Variants in ANKFN1 observed in about 807,000 individuals in gnomAD.
ANKFN1 encodes ankyrin repeat and fibronectin type III domain containing 1.
In ANKFN1, 74 loss-of-function variants were observed where a neutral mutation model predicts 108.7. That is an observed-to-expected ratio of 0.68 (90% CI 0.56 to 0.83). The LOEUF (loss-of-function observed/expected upper bound fraction) is 0.83, where lower values mean the gene tolerates loss of function less well. Among genes scored for constraint, ANKFN1 ranks in the 40% least tolerant of loss-of-function variants. ANKFN1 has a pLI of 0.00. For synonymous variants in ANKFN1, 547 were observed against 516.2 expected (o/e 1.06, Z -0.81); for missense variants, 1,505 against 1,382.3 (o/e 1.09, Z -1.41).
At chr17:56,046,589 G>T (rs1904682175) in intron 4 of ANKFN1, among the ~76,000 whole-genome samples, 1 of 152,058 alleles carries the variant, frequency 6.6e-6, no homozygotes, top group South Asian at 2.1e-4. Flanking sequence ...GGGCTGCATG[G>T]CAGAAAGACA....
rs533765557 is a variant in ANKFN1, at chr17:56,148,341, T to C, written c.289-79576T>C. On this transcript the variant is annotated intron_variant, in intron 4 of 12. Transcript: ENST00000635860. ...ATTCTTTACACGAATGGGATGATTC[T>C]CCTAATTTTACAGGAAAGAGGCTAA... Among the ~76,000 whole-genome samples the C allele has an allele frequency of 1.5e-4, 23 of 152,320 alleles. No homozygotes were observed. In the East Asian group the frequency reaches 4.2e-3, roughly 28 times the overall value.
rs529958919 is a variant in ANKFN1 at position 56,156,076 on chromosome 17, CT to C, written c.-71+2563del. ...TCCATTTCCTCATCTCTCTCTCACTCTTTTTTTTTTTTTTTTTCCTTGAGAT... is the reference window on the plus strand; with the variant it reads ...TCCATTTCCTCATCTCTCTCTCACTCTTTTTTTTTTTTTTTTCCTTGAGAT... On this transcript the variant is annotated intron_variant, in intron 1 of 20. Transcript: ENST00000682825. 3.7e-3 allele frequency among the ~76,000 whole-genome samples: 510 copies of C among 136,430 alleles called. 1 individual carries two copies. The highest frequency in any genetic ancestry group is 7.9e-3 in the Middle Eastern group (2 of 254). The allele number at this position is 136,430 out of a possible 152,430, so 89.5% of individuals were successfully genotyped here. A position where few individuals can be genotyped will look rare whatever the true frequency, so the allele number is the denominator to read the frequency against.
chr17:56,272,990 A>G (rs1339092504), intron 3 of ANKFN1, among the ~76,000 whole-genome samples: 4 of 152,162 alleles, frequency 2.6e-5, no homozygotes, highest in East Asian at 1.9e-4. Context: ...CAACAGCCCA[A>G]ATATTTTTTC....
At chr17:56,175,937 G>A (rs1191946016) in intron 1 of ANKFN1, among the ~76,000 whole-genome samples, 1 of 136,714 alleles carries the variant, frequency 7.3e-6, no homozygotes, top group East Asian at 2.5e-4. Flanking sequence ...GGGGGTGGGG[G>A]AGTTGGGGGT....
intron 4 of ANKFN1, among the ~76,000 whole-genome samples, chr17:56,050,489 A>C (rs1244146200): frequency 3.7e-5 from 5 of 136,732 alleles, no homozygotes; most frequent in Admixed American, 7.6e-5. Flanking sequence ...CTGAATGGTA[A>C]TGCCTAGGTT....
In ANKFN1 at chr17:56,443,026, G is replaced by A. The variant is rs905133660; in HGVS notation, c.1099+93G>A. 1.0e-4 allele frequency: 130 copies of A among 1,238,694 alleles called. 1 individual carries two copies. In the East Asian group the frequency reaches 1.5e-3, roughly 14 times the overall value. The allele number at this position is 1,238,694 out of a possible 1,614,324, so 76.7% of individuals were successfully genotyped here. A position where few individuals can be genotyped will look rare whatever the true frequency, so the allele number is the denominator to read the frequency against. Reference sequence around the variant, plus strand: ...GCCATTGCCATTCCCTTCCCCCACTGCTTGCAACCCATAAGACCTTCTCAG... The same window carrying A: ...GCCATTGCCATTCCCTTCCCCCACTACTTGCAACCCATAAGACCTTCTCAG... On this transcript the variant is annotated intron_variant, in intron 10 of 20. Coordinates refer to ENST00000682825, the MANE Select transcript of ANKFN1 (RefSeq NM_001370326.1).
chr17:56,068,377 A>G (rs1481461753), intron 4 of ANKFN1, among the ~76,000 whole-genome samples: 15 of 152,192 alleles, frequency 9.9e-5, no homozygotes, highest in Admixed American at 9.8e-4. Context: ...TGGAAGAAGG[A>G]AGGAGTTGCT....
intron 8 of ANKFN1, among the ~76,000 whole-genome samples, chr17:56,378,659 G>A (rs1054146380): frequency 1.3e-5 from 2 of 152,186 alleles, no homozygotes; most frequent in African/African-American, 4.8e-5. Context: ...GGAAAGAGAG[G>A]TGGGGAGGAG....
intron 1 of ANKFN1, chr17:56,153,735 G>A (rs1226034515): frequency 9.1e-6 from 6 of 660,482 alleles, no homozygotes; most frequent in Non-Finnish European, 1.6e-5. Context: ...TGTAATGTGT[G>A]TCTTTGTCTT....
chr17:56,168,094 C>T (rs184117171), intron 1 of ANKFN1, among the ~76,000 whole-genome samples: 36 of 152,148 alleles, frequency 2.4e-4, no homozygotes, highest in African/African-American at 8.4e-4. Context: ...TGGCAAAACC[C>T]CATCTCTACT....
Position 56,353,946 on chromosome 17 carries a change from T to A in ANKFN1, c.501T>A (p.Pro167=). The A allele has an allele frequency of 6.2e-7, 1 of 1,613,980 alleles. No individual in the cohort carries two copies. The highest frequency in any genetic ancestry group is 8.5e-7 in the Non-Finnish European group (1 of 1,179,968). ...YTPEELDLNT[P]NSEGLTPLDI... ...CAGAAGAACTTGACCTCAACACACC[T>A]AACAGCGAGGGCTTGACACCCCTGG... The change falls in exon 6 of 21, where the codon CCT becomes CCA. Residue 167 remains proline, a synonymous_variant. Coordinates refer to ENST00000682825, the MANE Select transcript of ANKFN1 (RefSeq NM_001370326.1).
chr17:56,202,759 T>C (rs909868439), intron 1 of ANKFN1, among the ~76,000 whole-genome samples: 1 of 152,176 alleles, frequency 6.6e-6, no homozygotes, highest in Non-Finnish European at 1.5e-5. Context: ...GTAGATACCA[T>C]GAAGTGTCCA....
At chr17:56,346,033 A>G (rs1467141929) in intron 4 of ANKFN1, among the ~76,000 whole-genome samples, 1 of 152,070 alleles carries the variant, frequency 6.6e-6, no homozygotes, top group Non-Finnish European at 1.5e-5. Context: ...TTTCACATTT[A>G]AGTTTTTAAT....
intron 3 of ANKFN1, among the ~76,000 whole-genome samples, chr17:56,274,943 A>C (rs528408703): frequency 1.3e-5 from 2 of 152,310 alleles, no homozygotes; most frequent in African/African-American, 4.8e-5. Context: ...GCTAAGCTTC[A>C]GTTTCCTCAT....
chr17:56,149,759 A>G (rs958815197), upstream of ANKFN1, among the ~76,000 whole-genome samples: 9 of 152,224 alleles, frequency 5.9e-5, no homozygotes, highest in Non-Finnish European at 1.3e-4. Context: ...GTGCTGAGCC[A>G]CACATGTGTC....
chr17:56,355,266 G>A (rs902757112), intron 6 of ANKFN1, among the ~76,000 whole-genome samples: 1 of 152,112 alleles, frequency 6.6e-6, no homozygotes, highest in African/African-American at 2.4e-5. Context: ...CATAAATAGG[G>A]TTGGGCAAGA....
At chr17:56,508,878 G>A (rs2051655408) in intron 20 of ANKFN1, among the ~76,000 whole-genome samples, 1 of 152,140 alleles carries the variant, frequency 6.6e-6, no homozygotes, top group Non-Finnish European at 1.5e-5. Context: ...CAAGTACAGT[G>A]CTTCTATTAG....
Position 56,480,732 on chromosome 17 carries a change from T to C in ANKFN1, c.2005T>C (p.Ser669Pro). 6.2e-7 allele frequency: 1 copy of C among 1,614,022 alleles called. No homozygotes were observed. Among genetic ancestry groups the C allele is most frequent in the Non-Finnish European group, 8.5e-7 (1 of 1,179,948 alleles). ...SESMESVDHT[S>P]DCPMQLFFYE... The stretch of plus-strand genomic sequence containing the variant: ...ATCTATGGAAAGTGTGGATCATACT[T>C]CTGACTGCCCCATGCAATTGTTCTT... The change falls in exon 17 of 21, where the codon TCT (serine) becomes CCT (proline). Residue 669 changes from serine to proline, a missense_variant. Transcript: ENST00000682825.
At chr17:56,288,289 T>C (rs1330648389) in intron 3 of ANKFN1, among the ~76,000 whole-genome samples, 2 of 152,182 alleles carry the variant, frequency 1.3e-5, no homozygotes, top group Admixed American at 6.5e-5. Flanking sequence ...ATAAGATGAG[T>C]TAAATATACA....
Sources: gnomAD v4.1 joint callset for allele counts (sites outside exome capture counted in the v4.1 genomes callset) on GRCh38, gnomAD v4.1.1 for gene constraint, MANE v1.5 for transcripts, NCBI Gene and HGNC (gene_info 2026-07-23, HGNC 2026-07-21) for gene names.